The following KCNH5 variants were observed in gnomAD, a reference collection of about 807,000 sequenced individuals.
The protein encoded by KCNH5 is potassium voltage-gated channel subfamily H member 5, also known as voltage-gated delayed rectifier potassium channel KCNH5.
KCNH5 carries 46 observed loss-of-function variants against 96.1 expected under a neutral mutation model. That is an observed-to-expected ratio of 0.48 (90% CI 0.38 to 0.61). The LOEUF is 0.61. KCNH5 is among the 20% of genes least tolerant of loss of function. The probability of loss-of-function intolerance (pLI) is 0.00; values close to 1 mark genes in which losing one functional copy is unlikely to be tolerated. For missense variants in KCNH5, 907 were observed against 1,225.8 expected (o/e 0.74, Z 3.88); for synonymous variants, 439 against 449.8 (o/e 0.98, Z 0.30).
chr14:62,817,814 ATAT>A (rs1411435150), intron 8 of KCNH5, among the ~76,000 whole-genome samples: 1 of 146,014 alleles, frequency 6.8e-6, no homozygotes, highest in Non-Finnish European at 1.5e-5. Context: ...TTCTAGGAAT[ATAT>A]TATATATATT....
chr14:62,957,417 C>T (rs10140061), intron 6 of KCNH5, among the ~76,000 whole-genome samples: 25,844 of 152,108 alleles, frequency 0.17, 2,979 homozygotes, highest in African/African-American at 0.33. Flanking sequence ...ACTTGTCATA[C>T]CCAGTTGCAT....
chr14:62,859,656 G>T (rs372010138), intron 7 of KCNH5, among the ~76,000 whole-genome samples: 81 of 152,276 alleles, frequency 5.3e-4, no homozygotes, highest in African/African-American at 1.7e-3. Context: ...ACATAATCGC[G>T]CATCTGGCCA....
intron 7 of KCNH5, among the ~76,000 whole-genome samples, chr14:62,908,840 T>C (rs578037259): frequency 2.1e-4 from 28 of 130,910 alleles, no homozygotes; most frequent in African/African-American, 7.4e-4. Flanking sequence ...GTCATGAGTA[T>C]CACAATATGG....
chr14:62,891,950 C>T (rs1252211057), intron 7 of KCNH5, among the ~76,000 whole-genome samples: 1 of 152,166 alleles, frequency 6.6e-6, no homozygotes, highest in Non-Finnish European at 1.5e-5. Flanking sequence ...TCTTCCCCTA[C>T]TTGGGTCTCC....
intron 7 of KCNH5, among the ~76,000 whole-genome samples, chr14:62,900,710 A>C (rs1367335003): frequency 6.6e-6 from 1 of 152,178 alleles, no homozygotes; most frequent in Admixed American, 6.5e-5. Flanking sequence ...GGAAATCAGT[A>C]AGATAAGAGC....
chr14:62,789,860 A>T (rs1454593729), intron 9 of KCNH5, among the ~76,000 whole-genome samples: 1 of 151,690 alleles, frequency 6.6e-6, no homozygotes, highest in Non-Finnish European at 1.5e-5. Context: ...CTGCCTTTTC[A>T]TTTTGTTGAT....
chr14:62,818,294 G>C (rs1470740863), intron 8 of KCNH5, among the ~76,000 whole-genome samples: 4 of 151,724 alleles, frequency 2.6e-5, no homozygotes, highest in Non-Finnish European at 2.9e-5. Flanking sequence ...GCTTGCTTTT[G>C]GTAGTCATTC....
chr14:62,886,990 A>G (rs1888611073), intron 7 of KCNH5, among the ~76,000 whole-genome samples: 1 of 152,224 alleles, frequency 6.6e-6, no homozygotes, highest in African/African-American at 2.4e-5. Context: ...ATGCCAAACA[A>G]AATGCCATAT....
At position 62,706,513 on chromosome 14, in the gene KCNH5, ATTC is replaced by A. The variant is rs1407483784; in HGVS notation, c.*992_*994del. Reference sequence around the variant, plus strand: ...CACAAAAATTTATCTATCTGTTTACATTCTTTTTTATTTTATACCATAATAGTT... The same window carrying A: ...CACAAAAATTTATCTATCTGTTTACATTTTTTATTTTATACCATAATAGTT... On this transcript the variant is annotated 3_prime_UTR_variant, in exon 11 of 11. Coordinates refer to ENST00000322893, the MANE Select transcript of KCNH5 (RefSeq NM_139318.5). 6.6e-6 allele frequency: 1 copy of A among 151,998 alleles called. No homozygotes were observed. Among genetic ancestry groups the A allele is most frequent in the Admixed American group, 6.6e-5 (1 of 15,258 alleles). The allele number at this position is 151,998 out of a possible 1,614,324, so 9.4% of individuals were successfully genotyped here. A position where few individuals can be genotyped will look rare whatever the true frequency, so the allele number is the denominator to read the frequency against.
At position 62,738,122 on chromosome 14, in the gene KCNH5, A is replaced by T. The variant is rs569104612; in HGVS notation, c.2020-29667T>A. 3.5e-4 allele frequency among the ~76,000 whole-genome samples: 53 copies of T among 152,272 alleles called. No individual in the cohort carries two copies. The South Asian group carries it at 7.7e-3, about 22-fold the overall frequency. On this transcript the variant is annotated intron_variant, in intron 10 of 10. Transcript: ENST00000322893. ...AGATCATTTGAACACAAGCACTGTG[A>T]TACCATGACAGTCAATCTGATGACT...
chr14:62,909,195 G>A (rs1226728914), intron 7 of KCNH5, among the ~76,000 whole-genome samples: 2 of 149,916 alleles, frequency 1.3e-5, no homozygotes, highest in Non-Finnish European at 1.5e-5. Flanking sequence ...ACAGGCGCCC[G>A]CCACTACGCC....
At chr14:63,043,713 A>G (rs910399792) in intron 1 of KCNH5, among the ~76,000 whole-genome samples, 6 of 152,256 alleles carry the variant, frequency 3.9e-5, no homozygotes, top group African/African-American at 1.4e-4. Context: ...ATAACAAGTC[A>G]GATATTTGGG....
chr14:62,824,028 T>A (rs1226402790), intron 8 of KCNH5, among the ~76,000 whole-genome samples: 1 of 151,550 alleles, frequency 6.6e-6, no homozygotes, highest in Non-Finnish European at 1.5e-5. Flanking sequence ...TTAAAAAAAA[T>A]CTGAAAACAT....
intron 10 of KCNH5, among the ~76,000 whole-genome samples, chr14:62,719,219 C>T (rs1884753089): frequency 6.6e-6 from 1 of 152,174 alleles, no homozygotes; most frequent in Admixed American, 6.5e-5. Flanking sequence ...AACTATACTT[C>T]AATAAAAAAT....
intron 8 of KCNH5, among the ~76,000 whole-genome samples, chr14:62,833,434 C>T (rs1047506155): frequency 3.3e-5 from 5 of 151,968 alleles, no homozygotes; most frequent in Admixed American, 6.6e-5. Context: ...CTTTTGTCAA[C>T]GATTAGTTGA....
chr14:62,725,893 C>T (rs193289430), intron 10 of KCNH5, among the ~76,000 whole-genome samples: 353 of 152,156 alleles, frequency 2.3e-3, no homozygotes, highest in African/African-American at 8.2e-3. Context: ...TTATACTGCC[C>T]CATATTTTAC....
intron 10 of KCNH5, among the ~76,000 whole-genome samples, chr14:62,742,664 C>A (rs1885295699): frequency 6.6e-6 from 1 of 152,170 alleles, no homozygotes; most frequent in Admixed American, 6.5e-5. Flanking sequence ...ATTTACACTT[C>A]TAAAGATTAT....
chr14:62,898,828 G>A (rs1888866947), intron 7 of KCNH5, among the ~76,000 whole-genome samples: 1 of 152,056 alleles, frequency 6.6e-6, no homozygotes, highest in South Asian at 2.1e-4. Flanking sequence ...GAAATTATAT[G>A]CAGAATAGTT....
At chr14:62,804,887 T>G (rs565529468) in intron 8 of KCNH5, among the ~76,000 whole-genome samples, 17 of 152,336 alleles carry the variant, frequency 1.1e-4, no homozygotes, top group East Asian at 1.9e-4. Flanking sequence ...TTATTGTTGC[T>G]TAAACTCTCT....
Sources: allele counts gnomAD v4.1 joint callset (sites outside exome capture counted in the v4.1 genomes callset), GRCh38; gene constraint gnomAD v4.1.1; transcripts MANE v1.5; gene names NCBI Gene and HGNC (gene_info 2026-07-23, HGNC 2026-07-21).